The following PTPRO variants were observed in gnomAD, a reference collection of about 807,000 sequenced individuals.
The protein encoded by PTPRO is receptor-type tyrosine-protein phosphatase O.
In PTPRO, 62 loss-of-function variants were observed where a neutral mutation model predicts 145.2. The ratio of observed to expected loss-of-function variants is 0.43; its 90% CI spans 0.35 to 0.53. The LOEUF (loss-of-function observed/expected upper bound fraction) is 0.53, where lower values mean the gene tolerates loss of function less well. Among genes scored for constraint, PTPRO ranks in the 20% least tolerant of loss-of-function variants. The probability of loss-of-function intolerance (pLI) is 0.01; values close to 1 mark genes in which losing one functional copy is unlikely to be tolerated. For missense variants in PTPRO, 1,345 were observed against 1,482.7 expected (o/e 0.91, Z 1.53); for synonymous variants, 565 against 514.7 (o/e 1.10, Z -1.32).
At chr12:15,448,562 G>T (rs1467192259) in intron 1 of PTPRO, among the ~76,000 whole-genome samples, 1 of 151,976 alleles carries the variant, frequency 6.6e-6, no homozygotes, top group Non-Finnish European at 1.5e-5. Context: ...GAGAAACCTT[G>T]CACACTGTTG....
chr12:15,356,901 T>A (rs1938009843), intron 1 of PTPRO, among the ~76,000 whole-genome samples: 1 of 152,154 alleles, frequency 6.6e-6, no homozygotes, highest in Non-Finnish European at 1.5e-5. Flanking sequence ...GGTGTGGTAT[T>A]GGCTAGGGAG....
chr12:15,346,019 G>A (rs796402391), intron 1 of PTPRO, among the ~76,000 whole-genome samples: 1 of 151,974 alleles, frequency 6.6e-6, no homozygotes, highest in Admixed American at 6.6e-5. Flanking sequence ...CAGAAACTTT[G>A]CTTAATATGA....
At chr12:15,459,239 G>A (rs1258567770) in intron 1 of PTPRO, among the ~76,000 whole-genome samples, 1 of 152,150 alleles carries the variant, frequency 6.6e-6, no homozygotes, top group Non-Finnish European at 1.5e-5. Flanking sequence ...GCTCTGTGCT[G>A]AGCAAGACCC....
At chr12:15,464,524 TTG>T (rs1401297108) in intron 1 of PTPRO, among the ~76,000 whole-genome samples, 29 of 149,278 alleles carry the variant, frequency 1.9e-4, no homozygotes, top group Admixed American at 5.3e-4. Flanking sequence ...CCAGCTAATT[TTG>T]TTTTTTTTTT....
At chr12:15,491,849 G>A (rs1942005414) in intron 2 of PTPRO, among the ~76,000 whole-genome samples, 2 of 152,174 alleles carry the variant, frequency 1.3e-5, no homozygotes, top group Admixed American at 6.5e-5. Flanking sequence ...TTGAGTCTGG[G>A]CCCCAATATA....
intron 1 of PTPRO, among the ~76,000 whole-genome samples, chr12:15,398,099 A>G (rs1273433408): frequency 2.0e-5 from 3 of 152,202 alleles, no homozygotes; most frequent in African/African-American, 7.2e-5. Flanking sequence ...GTGAAGATAA[A>G]TATGAGAGCG....
At chr12:15,506,182 C>A (rs569204550) in intron 6 of PTPRO, among the ~76,000 whole-genome samples, 1 of 152,252 alleles carries the variant, frequency 6.6e-6, no homozygotes, top group African/African-American at 2.4e-5. Context: ...ACCCTCTGTG[C>A]CCCCACTACA....
intron 12 of PTPRO, among the ~76,000 whole-genome samples, chr12:15,535,847 A>G (rs1943055711): frequency 6.6e-6 from 1 of 152,208 alleles, no homozygotes; most frequent in African/African-American, 2.4e-5. Flanking sequence ...TACTCATACA[A>G]ACCTTTATAG....
chr12:15,591,365 C>T (rs1214147108), intron 25 of PTPRO, among the ~76,000 whole-genome samples: 1 of 151,540 alleles, frequency 6.6e-6, no homozygotes, highest in East Asian at 1.9e-4. Flanking sequence ...AGTGAGACTC[C>T]ATCTCAAAAA....
At chr12:15,520,130 A>C (rs1209116298) in intron 9 of PTPRO, 71 bp from the exon 10 acceptor site, 1 of 988,766 alleles carries the variant, frequency 1.0e-6, no homozygotes, top group Non-Finnish European at 1.6e-6. Flanking sequence ...TTTTTTATGA[A>C]AGTAAGTCTA....
At chr12:15,573,364 TA>T (rs771953355) in intron 19 of PTPRO, among the ~76,000 whole-genome samples, 2 of 152,154 alleles carry the variant, frequency 1.3e-5, no homozygotes, top group African/African-American at 2.4e-5. Context: ...ACGTAAATGT[TA>T]ATCACATATG....
chr12:15,495,528 C>A (rs1942081970), intron 2 of PTPRO, among the ~76,000 whole-genome samples: 1 of 151,782 alleles, frequency 6.6e-6, no homozygotes, highest in African/African-American at 2.4e-5. Flanking sequence ...TCCAAGAATT[C>A]TCTCAATTCT....
chr12:15,364,711 G>A (rs554375551), intron 1 of PTPRO, among the ~76,000 whole-genome samples: 1 of 152,256 alleles, frequency 6.6e-6, no homozygotes, highest in East Asian at 1.9e-4. Context: ...AGTGACACAT[G>A]CCTGCCCCAA....
At chr12:15,457,135 C>A (rs1336076869) in intron 1 of PTPRO, among the ~76,000 whole-genome samples, 2 of 152,180 alleles carry the variant, frequency 1.3e-5, no homozygotes, top group Admixed American at 6.6e-5. Flanking sequence ...GGTTCTTCAG[C>A]CTTCGGACTC....
At chr12:15,512,380 G>T (rs1565674794) in intron 7 of PTPRO, among the ~76,000 whole-genome samples, 1 of 152,138 alleles carries the variant, frequency 6.6e-6, no homozygotes, top group Non-Finnish European at 1.5e-5. Context: ...CTCCCAAAGT[G>T]CTGGGATTAC....
chr12:15,467,219 A>T (rs568623886), intron 1 of PTPRO, among the ~76,000 whole-genome samples: 4 of 152,224 alleles, frequency 2.6e-5, no homozygotes, highest in African/African-American at 9.6e-5. Flanking sequence ...ATCACTTCCA[A>T]ATATTAGGTC....
intron 19 of PTPRO, among the ~76,000 whole-genome samples, chr12:15,575,762 A>G (rs1438551799): frequency 6.6e-6 from 1 of 152,220 alleles, no homozygotes; most frequent in Non-Finnish European, 1.5e-5. Context: ...TCAAGGTGTC[A>G]GCAGGGCCAC....
At position 15,497,247 on chromosome 12, in the gene PTPRO, C is replaced by A. The variant is rs770458073; in HGVS notation, c.352C>A (p.Pro118Thr). ...PSRSITVLTK[P>T]LPVTSVSIYD... Reference sequence around the variant, plus strand: ...CTCCATTTACTTCACTTCTGTAGAACCTCTACCTGTAACCAGTGTTTCCAT... The same window carrying A: ...CTCCATTTACTTCACTTCTGTAGAAACTCTACCTGTAACCAGTGTTTCCAT... Residue 118 changes from proline (P) to threonine (T), a missense_variant and splice_region_variant, in exon 3 of 27, where the codon CCT (proline) becomes ACT (threonine). Physicochemically the swap from Pro to Thr is conservative, Grantham distance 38 (BLOSUM62 -1). Transcript: ENST00000281171. 2 of 1,564,786 alleles carry A rather than the reference C, an allele frequency of 1.3e-6. No homozygotes were observed. The highest frequency in any genetic ancestry group is 1.4e-5 in the African/African-American group (1 of 73,790).
intron 12 of PTPRO, among the ~76,000 whole-genome samples, chr12:15,537,544 T>C (rs1943089921): frequency 2.0e-5 from 3 of 152,284 alleles, no homozygotes; most frequent in South Asian, 4.1e-4. Context: ...ACCACTGATC[T>C]TAGCAGCCCA....
Sources: allele counts gnomAD v4.1 joint callset (sites outside exome capture counted in the v4.1 genomes callset), GRCh38; gene constraint gnomAD v4.1.1; transcripts MANE v1.5; gene names NCBI Gene and HGNC (gene_info 2026-07-23, HGNC 2026-07-21).